Variants in IL1RAPL1 observed in about 807,000 individuals in gnomAD.
The protein encoded by IL1RAPL1 is interleukin-1 receptor accessory protein-like 1.
Under a neutral mutation model 48.4 loss-of-function variants are expected in IL1RAPL1, and 3 were observed. The observed-to-expected ratio is 0.06, with a 90% CI of 0.03 to 0.16. IL1RAPL1 has a LOEUF of 0.16. IL1RAPL1 is among the 10% of genes least tolerant of loss of function. IL1RAPL1 has a pLI of 1.00. For synonymous variants in IL1RAPL1, 185 were observed against 187.7 expected, an observed-to-expected ratio of 0.99 and a Z score of 0.12; for missense variants, 349 against 530.6, an observed-to-expected ratio of 0.66 and a Z score of 3.36.
chrX:28,824,936 T>C (rs1319098466), intron 2 of IL1RAPL1, among the ~76,000 whole-genome samples: 3 of 111,803 alleles, frequency 2.7e-5, no homozygotes. Context: ...TGTGTATTCA[T>C]TAGTTGCATT....
At chrX:29,711,521 T>G (rs1423920711) in intron 6 of IL1RAPL1, among the ~76,000 whole-genome samples, 1 of 111,467 alleles carries the variant, frequency 9.0e-6, no homozygotes, top group African/African-American at 3.3e-5. Flanking sequence ...AAAATAATTA[T>G]TTTTTCTCTG....
chrX:29,683,422 G>A (rs1013030530), intron 6 of IL1RAPL1, among the ~76,000 whole-genome samples: 14 of 112,287 alleles, frequency 1.2e-4, no homozygotes, highest in Non-Finnish European at 3.8e-5. Flanking sequence ...TCGTGATCCA[G>A]TAGGTACAGC....
chrX:29,435,049 T>TG (rs1474350478), intron 5 of IL1RAPL1, among the ~76,000 whole-genome samples: 1 of 111,281 alleles, frequency 9.0e-6, no homozygotes, highest in Non-Finnish European at 1.9e-5. Flanking sequence ...GTAAACAGAA[T>TG]TATACAATAG....
intron 2 of IL1RAPL1, among the ~76,000 whole-genome samples, chrX:29,081,024 CTTTTCTTTTCTTT>C (rs1458217047): frequency 4.8e-4 from 20 of 41,492 alleles, no homozygotes; most frequent in East Asian, 8.1e-4. Context: ...CTCTCTCTTT[CTTTTCTTTTCTTT>C]TCTTTTCTTT....
chrX:29,095,101 A>G (rs889154038), intron 2 of IL1RAPL1, among the ~76,000 whole-genome samples: 5 of 110,855 alleles, frequency 4.5e-5, no homozygotes, highest in Non-Finnish European at 9.4e-5. Context: ...TGCTTCCCCA[A>G]CAAGATATGG....
chrX:29,386,451 A>G (rs946168709), intron 3 of IL1RAPL1, among the ~76,000 whole-genome samples: 1 of 111,341 alleles, frequency 9.0e-6, no homozygotes, highest in African/African-American at 3.3e-5. Context: ...ACTCCATAAA[A>G]TCAAGTACTC....
chrX:28,981,703 T>C (rs1351330270), intron 2 of IL1RAPL1, among the ~76,000 whole-genome samples: 1 of 111,677 alleles, frequency 9.0e-6, no homozygotes, highest in Non-Finnish European at 1.9e-5. Flanking sequence ...AAAATGCAGA[T>C]CTACCTTTCT....
At chrX:28,789,449 T>A in intron 2 of IL1RAPL1, 24 bp downstream of exon 2, 1 of 1,070,155 alleles carries the variant, frequency 9.3e-7, no homozygotes, top group Non-Finnish European at 1.3e-6. Context: ...CTCTATTTTT[T>A]ATGTGTTTTT....
chrX:28,803,474 C>G (rs1022386141), intron 2 of IL1RAPL1, among the ~76,000 whole-genome samples: 1 of 111,122 alleles, frequency 9.0e-6, no homozygotes, highest in African/African-American at 3.3e-5. Context: ...TCTGCATGTC[C>G]CAAAGAATGA....
intron 2 of IL1RAPL1, among the ~76,000 whole-genome samples, chrX:29,203,249 G>A (rs1409396256): frequency 4.5e-5 from 5 of 111,033 alleles, no homozygotes; most frequent in Admixed American, 3.8e-4. Context: ...CTGGAAGATA[G>A]GGCCCCTATC....
At chrX:29,723,398 G>T (rs753377037) in intron 6 of IL1RAPL1, among the ~76,000 whole-genome samples, 2 of 111,309 alleles carry the variant, frequency 1.8e-5, no homozygotes, top group African/African-American at 6.5e-5. Flanking sequence ...ACAGGCACTC[G>T]CCACCACGCC....
At chrX:29,598,925 A>G (rs1923635674) in intron 5 of IL1RAPL1, among the ~76,000 whole-genome samples, 1 of 111,814 alleles carries the variant, frequency 8.9e-6, no homozygotes, top group Non-Finnish European at 1.9e-5. Flanking sequence ...GTGAATCCTT[A>G]TGTGTCAGGT....
Position 29,298,194 on chromosome X carries a change from T to G in IL1RAPL1, c.362+14977T>G, listed in dbSNP as rs1035279339. On this transcript the variant is annotated intron_variant, in intron 3 of 10. Coordinates refer to ENST00000378993, the MANE Select transcript of IL1RAPL1 (RefSeq NM_014271.4). Reference sequence around the variant, plus strand: ...AGGCCAGCTGTTGGGAGCACAGCAGTGAATTAAACCACAGTAGAATTAAGC... The same window carrying G: ...AGGCCAGCTGTTGGGAGCACAGCAGGGAATTAAACCACAGTAGAATTAAGC... 2.7e-5 allele frequency among the ~76,000 whole-genome samples: 3 copies of G among 112,233 alleles called. No homozygotes were observed. The Admixed American group carries it at 2.8e-4, about 11-fold the overall frequency.
intron 6 of IL1RAPL1, among the ~76,000 whole-genome samples, chrX:29,845,802 G>A (rs187081271): frequency 2.7e-5 from 3 of 111,268 alleles, no homozygotes; most frequent in African/African-American, 9.8e-5. Flanking sequence ...TCGGCTTCTG[G>A]GGAGGCCTCA....
At position 29,488,601 on chromosome X, in the gene IL1RAPL1, GTAACTATGAGAGGTGGTGCATATA is replaced by G. The variant is rs1337880335; in HGVS notation, c.703+89314_703+89337del. ...CATAACTATGAGAGGTGGTGCATATGTAACTATGAGAGGTGGTGCATATATAACTATGAGAGGTGGTGCACATAT... is the reference window on the plus strand; with the variant it reads ...CATAACTATGAGAGGTGGTGCATATGTAACTATGAGAGGTGGTGCACATAT... On this transcript the variant is annotated intron_variant, in intron 5 of 10. Coordinates refer to ENST00000378993, the MANE Select transcript of IL1RAPL1 (RefSeq NM_014271.4). 4.8e-3 allele frequency among the ~76,000 whole-genome samples: 494 copies of G among 102,636 alleles called. 2 individuals are homozygous for G. The highest frequency in any genetic ancestry group is 7.6e-3 in the Non-Finnish European group (402 of 52,655). The allele number at this position is 102,636 out of a possible 115,157, so 89.1% of individuals were successfully genotyped here. A position where few individuals can be genotyped will look rare whatever the true frequency, so the allele number is the denominator to read the frequency against.
chrX:29,034,072 C>A (rs1447576172), intron 2 of IL1RAPL1, among the ~76,000 whole-genome samples: 1 of 112,017 alleles, frequency 8.9e-6, no homozygotes, highest in Non-Finnish European at 1.9e-5. Context: ...TTGTCTAAAA[C>A]CTTTTTTGAC....
intron 6 of IL1RAPL1, among the ~76,000 whole-genome samples, chrX:29,825,586 C>T (rs1930718990): frequency 8.9e-6 from 1 of 111,738 alleles, no homozygotes; most frequent in African/African-American, 3.3e-5. Flanking sequence ...AGCATAACAA[C>T]AATAGTTGCT....
intron 6 of IL1RAPL1, among the ~76,000 whole-genome samples, chrX:29,713,139 G>A (rs1927395430): frequency 9.0e-6 from 1 of 111,589 alleles, no homozygotes; most frequent in South Asian, 3.7e-4. Flanking sequence ...TATACAAGGT[G>A]TTAAAAAATT....
intron 2 of IL1RAPL1, among the ~76,000 whole-genome samples, chrX:28,949,825 C>G (rs1311212823): frequency 3.4e-4 from 37 of 109,857 alleles, no homozygotes; most frequent in African/African-American, 9.3e-4. Context: ...GTTCATTGTA[C>G]ATTCTGGATA....
Sources: gnomAD v4.1 joint callset for allele counts (sites outside exome capture counted in the v4.1 genomes callset) on GRCh38, gnomAD v4.1.1 for gene constraint, MANE v1.5 for transcripts, NCBI Gene and HGNC (gene_info 2026-07-23, HGNC 2026-07-21) for gene names.